COL18A1: variants seen among roughly 807,000 people sequenced by gnomAD.
The protein encoded by COL18A1 is collagen type XVIII alpha 1 chain, also known as collagen alpha-1(XVIII) chain.
A neutral mutation model predicts 168.0 loss-of-function variants in COL18A1; 133 were observed. That is an observed-to-expected ratio of 0.79 (90% CI 0.69 to 0.91). The LOEUF is 0.91. COL18A1 is among the 40% of genes least tolerant of loss of function. COL18A1 has a pLI of 0.00. For synonymous variants in COL18A1, 949 were observed against 809.0 expected (o/e 1.17, Z -2.94); for missense variants, 2,126 against 1,925.4 (o/e 1.10, Z -1.95).
At position 45,455,645 on chromosome 21, in the gene COL18A1, AG is replaced by A. The variant is rs1159303099; in HGVS notation, c.107-12596del. On this transcript the variant is annotated intron_variant, in intron 2 of 41. Coordinates refer to ENST00000651438, the MANE Select transcript of COL18A1 (RefSeq NM_001379500.1). Reference sequence around the variant, plus strand: ...GCTTTGGTTCAATAATGAGGACACCAGCCATGCAGCTACCACGATCCCTGAG... The same window carrying A: ...GCTTTGGTTCAATAATGAGGACACCACCATGCAGCTACCACGATCCCTGAG... 4.3e-6 allele frequency: 7 copies of A among 1,613,826 alleles called. No individual in the cohort carries two copies. The African/African-American group carries it at 5.3e-5, about 12-fold the overall frequency.
chr21:45,409,759 G>A (rs1021867521), intron 2 of COL18A1, among the ~76,000 whole-genome samples: 3 of 152,360 alleles, frequency 2.0e-5, no homozygotes, highest in Admixed American at 6.5e-5. Context: ...CCCCGGGGCG[G>A]GAGTGGCTGC....
rs544801299 is a variant in COL18A1 at position 45,478,495 on chromosome 21, T to G, written c.1248+142T>G. 1.4e-4 allele frequency: 154 copies of G among 1,132,794 alleles called. 2 individuals are homozygous for G. The Admixed American group carries it at 2.8e-3, about 20-fold the overall frequency. The allele number at this position is 1,132,794 out of a possible 1,614,324, so 70.2% of individuals were successfully genotyped here. ...AAACCATTTTGAAAGTGGAATTTTG[T>G]AAAGAAAAGATGAGTGTAACTGTTG... On this transcript the variant is annotated intron_variant, in intron 9 of 41. Coordinates refer to ENST00000651438, the MANE Select transcript of COL18A1 (RefSeq NM_001379500.1).
At chr21:45,452,276 T>C (rs2034638644) in intron 2 of COL18A1, among the ~76,000 whole-genome samples, 1 of 152,240 alleles carries the variant, frequency 6.6e-6, no homozygotes, top group South Asian at 2.1e-4. Flanking sequence ...AGAGTGCAAG[T>C]ACATGGTGAG....
At chr21:45,450,292 G>A (rs78198389) in intron 2 of COL18A1, among the ~76,000 whole-genome samples, 6,738 of 152,268 alleles carry the variant, frequency 0.044, 198 homozygotes, top group African/African-American at 0.08. Flanking sequence ...GGTGGCTCAG[G>A]TGGGGTCTGC....
intron 15 of COL18A1, among the ~76,000 whole-genome samples, chr21:45,486,136 T>G (rs2036101444): frequency 6.6e-6 from 1 of 152,194 alleles, no homozygotes; most frequent in South Asian, 2.1e-4. Flanking sequence ...AGCACATGCC[T>G]CCGGGCTCGC....
At chr21:45,467,049 C>T (rs555750226) in intron 2 of COL18A1, among the ~76,000 whole-genome samples, 7 of 152,364 alleles carry the variant, frequency 4.6e-5, no homozygotes, top group African/African-American at 1.7e-4. Context: ...GATGTGACCG[C>T]TGGCCCCCAG....
In COL18A1 at chr21:45,509,587, G is replaced by T; in HGVS notation, c.3481G>T (p.Asp1161Tyr). 1 of 1,511,204 alleles carries T rather than the reference G, an allele frequency of 6.6e-7. No homozygotes were observed. The highest frequency in any genetic ancestry group is 8.9e-7 in the Non-Finnish European group (1 of 1,126,962). 93.6% of individuals were successfully genotyped at this position (1,511,204 alleles called of 1,614,324 possible). A position where few individuals can be genotyped will look rare whatever the true frequency, so the allele number is the denominator to read the frequency against. Residue 1161 changes from aspartate (D) to tyrosine (Y), a missense_variant, in exon 39 of 42, where the codon GAC (aspartate) becomes TAC (tyrosine). Asp to Tyr is a radical substitution (Grantham distance 160). Coordinates refer to ENST00000651438, the MANE Select transcript of COL18A1 (RefSeq NM_001379500.1). ...AAGCCCACCCGCCCACAGCCACCGCGACTTCCAGCCGGTGGTGAGTGCCCC... is the reference window on the plus strand; with the variant it reads ...AAGCCCACCCGCCCACAGCCACCGCTACTTCCAGCCGGTGGTGAGTGCCCC... ...PTSPPAHSHR[D>Y]FQPVLHLVAL...
At chr21:45,462,341 A>T (rs112324078) in intron 2 of COL18A1, among the ~76,000 whole-genome samples, 4,280 of 152,190 alleles carry the variant, frequency 0.028, 209 homozygotes, top group African/African-American at 0.097. Flanking sequence ...ATTTCTTCAG[A>T]TAGTCTCTCT....
chr21:45,476,439 G>A lies in COL18A1; in HGVS notation c.887G>A (p.Ser296Asn), dbSNP rs372308402. 3.1e-6 allele frequency: 5 copies of A among 1,613,900 alleles called. No homozygotes were observed. The African/African-American group carries it at 6.7e-5, about 22-fold the overall frequency. The stretch of plus-strand genomic sequence containing the variant: ...GGCAGCAGCACGGAAGATTCCAGAA[G>A]TGAAGAAGTCGAGGAGCAGACCACG... ...AGGSSTEDSRSEEVEEQTTVA... is the reference protein window; with the variant it reads ...AGGSSTEDSRNEEVEEQTTVA... The change falls in exon 6 of 42, where the codon AGT (serine) becomes AAT (asparagine). Residue 296 changes from serine to asparagine, a missense_variant. Coordinates refer to ENST00000651438, the MANE Select transcript of COL18A1 (RefSeq NM_001379500.1).
Position 45,510,131 on chromosome 21 carries a change from A to G in COL18A1, c.3563A>G (p.Gln1188Arg). Residue 1188 changes from glutamine (Q) to arginine (R), a missense_variant, in exon 40 of 42, where the codon CAG (glutamine) becomes CGG (arginine). Gln to Arg is a conservative substitution (Grantham distance 43). Transcript: ENST00000651438. ...CGGGGCATCCGCGGGGCCGACTTCCAGTGCTTCCAGCAGGCGCGGGCCGTG... is the reference window on the plus strand; with the variant it reads ...CGGGGCATCCGCGGGGCCGACTTCCGGTGCTTCCAGCAGGCGCGGGCCGTG... ...GMRGIRGADF[Q>R]CFQQARAVGL... 6.2e-7 allele frequency: 1 copy of G among 1,600,692 alleles called. No homozygotes were observed. The highest frequency in any genetic ancestry group is 8.5e-7 in the Non-Finnish European group (1 of 1,174,646).
rs2035105713 is a variant in COL18A1, at chr21:45,463,425, C to T, written c.107-4817C>T. Among the ~76,000 whole-genome samples the T allele has an allele frequency of 2.0e-5, 3 of 152,220 alleles. No individual in the cohort carries two copies. In the South Asian group the frequency reaches 6.2e-4, roughly 32 times the overall value. ...AGCTAAATTAACCACCCGTTACCGT[C>T]CAAGCCTTCCTGTGGACATTGCAAG... On this transcript the variant is annotated intron_variant, in intron 2 of 41. Coordinates refer to ENST00000651438, the MANE Select transcript of COL18A1 (RefSeq NM_001379500.1). The surrounding 1 kb of genome is among the most constrained non-coding windows in gnomAD (Gnocchi z 4.0).
At chr21:45,496,215 G>T (rs2036538707) in intron 29 of COL18A1, 23 of 632,980 alleles carry the variant, frequency 3.6e-5, no homozygotes, top group South Asian at 3.2e-4. Flanking sequence ...AGCAGGGTGG[G>T]GCATTTTCAG....
At chr21:45,416,050 C>T (rs1388327092) in intron 2 of COL18A1, among the ~76,000 whole-genome samples, 2 of 152,230 alleles carry the variant, frequency 1.3e-5, no homozygotes, top group African/African-American at 4.8e-5. Context: ...CCAGCAACAC[C>T]GGGCAGGTAT....
rs972303265 is a variant in COL18A1, at chr21:45,436,258, C to T, written c.106+30785C>T. ...GCCCCTGGGCTGAGGAGACCCTCAG[C>T]CAGGAGGTCCCAGGCCCAGGGATGA... is the stretch of plus-strand genomic sequence containing the variant. On this transcript the variant is annotated intron_variant, in intron 2 of 41. Coordinates refer to ENST00000651438, the MANE Select transcript of COL18A1 (RefSeq NM_001379500.1). Among the ~76,000 whole-genome samples, 20 of 152,084 alleles carry T rather than the reference C, an allele frequency of 1.3e-4. 1 individual carries two copies. The highest frequency in any genetic ancestry group is 4.8e-4 in the African/African-American group (20 of 41,416).
chr21:45,456,104 AC>A (rs1477347967), intron 2 of COL18A1: 10 of 1,589,830 alleles, frequency 6.3e-6, no homozygotes, highest in African/African-American at 1.3e-5. Flanking sequence ...GCCTGCACCC[AC>A]CCCATCGCCT....
intron 13 of COL18A1, among the ~76,000 whole-genome samples, chr21:45,481,306 G>A (rs1162055977): frequency 6.6e-6 from 1 of 152,178 alleles, no homozygotes; most frequent in African/African-American, 2.4e-5. Flanking sequence ...CGGGCAGCAG[G>A]TCATGACTGG....
At chr21:45,482,169 C>G (rs1043791294) in intron 14 of COL18A1, 144 bp downstream of exon 14, 19 of 683,550 alleles carry the variant, frequency 2.8e-5, no homozygotes, top group Non-Finnish European at 1.6e-5. Flanking sequence ...GCCTCGCGCT[C>G]TGGAGGTCAC....
chr21:45,491,758 C>A (rs1247793326), intron 22 of COL18A1, among the ~76,000 whole-genome samples: 1 of 152,252 alleles, frequency 6.6e-6, no homozygotes, highest in Non-Finnish European at 1.5e-5. Flanking sequence ...CCCTCTGCGC[C>A]TGCCAGCAGT....
rs1029965290 is a variant in COL18A1 at position 45,481,897 on chromosome 21, G to T, written c.1612-66G>T. ...AAACCTGCGGAAGCCCAGATAACCTGTTAACCCAGAAATCGTTTTAGTGGC... is the reference window on the plus strand; with the variant it reads ...AAACCTGCGGAAGCCCAGATAACCTTTTAACCCAGAAATCGTTTTAGTGGC... On this transcript the variant is annotated intron_variant, in intron 13 of 41. Coordinates refer to ENST00000651438, the MANE Select transcript of COL18A1 (RefSeq NM_001379500.1). 4 of 1,173,268 alleles carry T rather than the reference G, an allele frequency of 3.4e-6. No individual in the cohort carries two copies. The African/African-American group carries it at 6.0e-5, about 18-fold the overall frequency. The allele number at this position is 1,173,268 out of a possible 1,614,324, so 72.7% of individuals were successfully genotyped here.
Sources: allele counts gnomAD v4.1 joint callset (sites outside exome capture counted in the v4.1 genomes callset), GRCh38; gene constraint gnomAD v4.1.1; non-coding constraint Gnocchi (gnomAD v3.1); transcripts MANE v1.5; gene names NCBI Gene and HGNC (gene_info 2026-07-23, HGNC 2026-07-21).